The following RAB38 variants were observed in gnomAD, a reference collection of about 807,000 sequenced individuals.
The protein encoded by RAB38 is ras-related protein Rab-38.
Under a neutral mutation model 18.4 loss-of-function variants are expected in RAB38, and 15 were observed. That is an observed-to-expected ratio of 0.82 (90% CI 0.55 to 1.26). The LOEUF (loss-of-function observed/expected upper bound fraction) is 1.26, where lower values mean the gene tolerates loss of function less well. Among genes scored for constraint, RAB38 ranks in the 50% most tolerant of loss-of-function variants. The pLI, the probability that RAB38 is intolerant of heterozygous loss-of-function variation, is 0.00. For synonymous variants in RAB38, 101 were observed against 104.4 expected, an observed-to-expected ratio of 0.97 and a Z score of 0.20; for missense variants, 294 against 267.4, an observed-to-expected ratio of 1.10 and a Z score of -0.69.
chr11:87,860,613 A>G, the RAB38 span, among the ~76,000 whole-genome samples: 3 of 152,118 alleles, frequency 2.0e-5, no homozygotes, highest in East Asian at 5.8e-4. Context: ...AAACCTTTGT[A>G]AATAGAAAGA....
chr11:88,142,738 G>A (rs1449006973), intron 2 of RAB38, among the ~76,000 whole-genome samples: 2 of 152,184 alleles, frequency 1.3e-5, no homozygotes, highest in Non-Finnish European at 2.9e-5. Flanking sequence ...AATGTCCATT[G>A]CATTATAATC....
intron 1 of RAB38, among the ~76,000 whole-genome samples, chr11:88,158,403 C>T (rs540297733): frequency 4.0e-5 from 6 of 151,752 alleles, no homozygotes; most frequent in Non-Finnish European, 8.9e-5. Context: ...AATCAGGAAG[C>T]GTCTCCTCCC....
At chr11:88,144,577 T>C (rs183652098) in intron 2 of RAB38, among the ~76,000 whole-genome samples, 10 of 152,334 alleles carry the variant, frequency 6.6e-5, no homozygotes, top group Admixed American at 6.5e-4. Flanking sequence ...ATTAGATATA[T>C]TCCTTTTCTC....
chr11:87,948,428 C>G, the RAB38 span, among the ~76,000 whole-genome samples: 53 of 151,878 alleles, frequency 3.5e-4, no homozygotes, highest in Non-Finnish European at 6.8e-4. Context: ...ACTTCCAACA[C>G]TATGTTGAAT....
At chr11:88,096,303 G>C in the RAB38 span, among the ~76,000 whole-genome samples, 1 of 151,680 alleles carries the variant, frequency 6.6e-6, no homozygotes, top group Non-Finnish European at 1.5e-5. Context: ...CACATTTCCT[G>C]TTCTGTCTAT....
chr11:88,139,052 G>T (rs1942872922), intron 2 of RAB38, among the ~76,000 whole-genome samples: 1 of 152,090 alleles, frequency 6.6e-6, no homozygotes, highest in African/African-American at 2.4e-5. Flanking sequence ...CCAAAGTGCT[G>T]GGATAACAGG....
chr11:88,092,843 A>T, the RAB38 span, among the ~76,000 whole-genome samples: 8 of 151,874 alleles, frequency 5.3e-5, no homozygotes, highest in Non-Finnish European at 1.0e-4. Context: ...GAGGTAGTAT[A>T]AAAATGAATA....
chr11:87,830,664 A>T, the RAB38 span, among the ~76,000 whole-genome samples: 1 of 152,184 alleles, frequency 6.6e-6, no homozygotes, highest in Non-Finnish European at 1.5e-5. Context: ...TTATATTGTA[A>T]TATGATGTAG....
the RAB38 span, among the ~76,000 whole-genome samples, chr11:88,025,251 T>A: frequency 6.6e-6 from 1 of 151,254 alleles, no homozygotes; most frequent in Non-Finnish European, 1.5e-5. Flanking sequence ...ATATATTATA[T>A]ATAGTCACAT....
the RAB38 span, among the ~76,000 whole-genome samples, chr11:87,898,930 T>G: frequency 1.3e-5 from 2 of 151,640 alleles, no homozygotes; most frequent in East Asian, 2.0e-4. Flanking sequence ...CTTCACTGCT[T>G]CTTGTTAAGG....
At chr11:87,881,606 G>A in the RAB38 span, among the ~76,000 whole-genome samples, 1 of 151,822 alleles carries the variant, frequency 6.6e-6, no homozygotes, top group South Asian at 2.1e-4. Context: ...CTGTGAGTAA[G>A]CATAGGACTG....
At chr11:87,908,970 T>C in the RAB38 span, among the ~76,000 whole-genome samples, 1 of 151,980 alleles carries the variant, frequency 6.6e-6, no homozygotes, top group African/African-American at 2.4e-5. Context: ...CAACTGAAAC[T>C]GTAATGGAAA....
the RAB38 span, among the ~76,000 whole-genome samples, chr11:88,067,022 G>A: frequency 6.6e-6 from 1 of 152,232 alleles, no homozygotes; most frequent in South Asian, 2.1e-4. Context: ...GGTGCCTAAA[G>A]TGTTTAGAAT....
At chr11:88,164,625 A>T (rs868530845) in intron 1 of RAB38, among the ~76,000 whole-genome samples, 28 of 134,902 alleles carry the variant, frequency 2.1e-4, no homozygotes, top group Middle Eastern at 3.6e-3. Context: ...CTTTTAATTT[A>T]TGCGTTCTCT....
At chr11:87,888,018 T>C in the RAB38 span, among the ~76,000 whole-genome samples, 1 of 151,450 alleles carries the variant, frequency 6.6e-6, no homozygotes, top group Admixed American at 6.6e-5. Context: ...TTCCTGAAGA[T>C]TTTTTTTTCC....
chr11:88,057,644 A>G, the RAB38 span, among the ~76,000 whole-genome samples: 3 of 152,126 alleles, frequency 2.0e-5, no homozygotes, highest in Admixed American at 2.0e-4. Flanking sequence ...TCGGCAGAGT[A>G]GGGAGCTCGG....
chr11:88,057,380 T>G, the RAB38 span, among the ~76,000 whole-genome samples: 1 of 152,010 alleles, frequency 6.6e-6, no homozygotes, highest in South Asian at 2.1e-4. Context: ...AGATCTAGGT[T>G]GAAATCCCAG....
chr11:88,160,216 G>GA (rs1242714300), intron 1 of RAB38, among the ~76,000 whole-genome samples: 2 of 151,812 alleles, frequency 1.3e-5, no homozygotes, highest in East Asian at 3.9e-4. Flanking sequence ...CAATAAATGT[G>GA]AAAAAATATC....
At chr11:87,931,945 G>C in the RAB38 span, among the ~76,000 whole-genome samples, 2 of 151,924 alleles carry the variant, frequency 1.3e-5, no homozygotes, top group African/African-American at 4.8e-5. Context: ...AGGAGGGGTG[G>C]GGTGGGGTGG....
Sources: allele counts gnomAD v4.1 joint callset (sites outside exome capture counted in the v4.1 genomes callset), GRCh38; gene constraint gnomAD v4.1.1; transcripts MANE v1.5; gene names NCBI Gene and HGNC (gene_info 2026-07-23, HGNC 2026-07-21).